The following LAPTM4A variants were observed in gnomAD, a reference collection of about 807,000 sequenced individuals.
LAPTM4A encodes the protein lysosomal protein transmembrane 4 alpha, also known as lysosomal-associated transmembrane protein 4A.
A neutral mutation model predicts 29.9 loss-of-function variants in LAPTM4A; 19 were observed. The ratio of observed to expected loss-of-function variants is 0.64; its 90% confidence interval spans 0.44 to 0.93. LAPTM4A has a LOEUF of 0.93. Ranked by LOEUF, LAPTM4A falls within the 40% of genes least tolerant of loss-of-function variation. LAPTM4A has a pLI of 0.00. For synonymous variants in LAPTM4A, 105 were observed against 102.1 expected, an observed-to-expected ratio of 1.03 and a Z score of -0.17; for missense variants, 293 against 288.5, an observed-to-expected ratio of 1.02 and a Z score of -0.11.
chr2:20,034,208 T>C, intron 6 of LAPTM4A, 109 bp downstream of exon 6: 1 of 799,168 alleles, frequency 1.3e-6, no homozygotes, highest in East Asian at 2.4e-5. Context: ...CCAGGGTTCA[T>C]GCCCAAACCA....
In LAPTM4A at chr2:20,032,757, A is replaced by G. The variant is rs1673590020; in HGVS notation, c.*448T>C. 1 of 157,154 alleles carries G rather than the reference A, an allele frequency of 6.4e-6. No homozygotes were observed. The highest frequency in any genetic ancestry group is 1.4e-5 in the Non-Finnish European group (1 of 70,880). The allele number at this position is 157,154 out of a possible 1,614,324, so 9.7% of individuals were successfully genotyped here. ...CCACAGTCAAGTCACAATGTCAAAT[A>G]TTTTTCTTGCCTCTGCAGATGAAAA... On this transcript the variant is annotated 3_prime_UTR_variant, in exon 7 of 7. Coordinates refer to ENST00000175091, the MANE Select transcript of LAPTM4A (RefSeq NM_014713.5).
intron 1 of LAPTM4A, among the ~76,000 whole-genome samples, chr2:20,043,076 AC>A: frequency 7.9e-6 from 1 of 126,648 alleles, no homozygotes; most frequent in East Asian, 2.3e-4. Flanking sequence ...GGTAGCTGGG[AC>A]TTTTTTTTTT....
chr2:20,042,366 T>C (rs1558385769), intron 1 of LAPTM4A, among the ~76,000 whole-genome samples: 1 of 152,210 alleles, frequency 6.6e-6, no homozygotes, highest in African/African-American at 2.4e-5. Flanking sequence ...ACCTGTACAG[T>C]TGGATTCAGA....
In LAPTM4A at chr2:20,051,626, T is replaced by G; in HGVS notation, c.-106A>C. 1 of 700,126 alleles carries G rather than the reference T, an allele frequency of 1.4e-6. No individual in the cohort carries two copies. Among genetic ancestry groups the G allele is most frequent in the Non-Finnish European group, 2.5e-6 (1 of 408,060 alleles). 43.4% of individuals were successfully genotyped at this position (700,126 alleles called of 1,614,324 possible). A position where few individuals can be genotyped will look rare whatever the true frequency, so the allele number is the denominator to read the frequency against. ...GGCCTCCAAAACCCAACGACGCGTC[T>G]TCAAACCCGCCCCCGGCTCGTGCCC... On this transcript the variant is annotated 5_prime_UTR_variant, in exon 1 of 7. Transcript: ENST00000175091.
Position 20,051,529 on chromosome 2 carries a change from G to T in LAPTM4A, c.-9C>A. The T allele has an allele frequency of 6.4e-7, 1 of 1,565,930 alleles. No homozygotes were observed. The highest frequency in any genetic ancestry group is 8.7e-7 in the Non-Finnish European group (1 of 1,146,906). The stretch of plus-strand genomic sequence containing the variant: ...AAACTCATGGACACCATCGTAACAG[G>T]CGGGCCTCCTTCTTGGCCGGGCCCC... On this transcript the variant is annotated 5_prime_UTR_variant, in exon 1 of 7. Transcript: ENST00000175091.
chr2:20,041,054 C>T (rs747031255), intron 1 of LAPTM4A, 43 bp from the exon 2 acceptor site: 30 of 1,603,080 alleles, frequency 1.9e-5, no homozygotes, highest in Admixed American at 5.0e-5. Context: ...ATTACCATCA[C>T]GACGCAATCT....
At position 20,050,834 on chromosome 2, in the gene LAPTM4A, A is replaced by G. The variant is rs140225760; in HGVS notation, c.111+576T>C. ...AGCTGGTCAGGCGTCAACTCAGGCA[A>G]AAGCTATCGCCCCCAAGCGATTCTG... is the stretch of plus-strand genomic sequence containing the variant. On this transcript the variant is annotated intron_variant, in intron 1 of 6. Coordinates refer to ENST00000175091, the MANE Select transcript of LAPTM4A (RefSeq NM_014713.5). 5.1e-4 allele frequency among the ~76,000 whole-genome samples: 78 copies of G among 152,352 alleles called. 1 individual carries two copies. Among genetic ancestry groups the G allele is most frequent in the African/African-American group, 1.7e-3 (69 of 41,578 alleles).
rs573732854 is a variant in LAPTM4A, at chr2:20,048,498, T to C, written c.111+2912A>G. On this transcript the variant is annotated intron_variant, in intron 1 of 6. Transcript: ENST00000175091. ...ACTATTTTGTACCATACAATGAATATTTTAGTATATGGTGTTACGATACTT... is the reference window on the plus strand; with the variant it reads ...ACTATTTTGTACCATACAATGAATACTTTAGTATATGGTGTTACGATACTT... Among the ~76,000 whole-genome samples the C allele has an allele frequency of 3.3e-5, 5 of 152,288 alleles. No individual in the cohort carries two copies. In the East Asian group the frequency reaches 7.7e-4, roughly 23 times the overall value.
At position 20,037,698 on chromosome 2, in the gene LAPTM4A, T is replaced by C. The variant is rs892097482; in HGVS notation, c.233-84A>G. On this transcript the variant is annotated intron_variant, in intron 2 of 6. Transcript: ENST00000175091. ...TTCACTTAAAGCTAGCTTTAAAATATTAAATTTAAATATTTTCAAAATTGG... is the reference window on the plus strand; with the variant it reads ...TTCACTTAAAGCTAGCTTTAAAATACTAAATTTAAATATTTTCAAAATTGG... The C allele has an allele frequency of 6.1e-6, 5 of 813,072 alleles. No homozygotes were observed. In the African/African-American group the frequency reaches 8.8e-5, roughly 14 times the overall value. The allele number at this position is 813,072 out of a possible 1,614,324, so 50.4% of individuals were successfully genotyped here.
rs1051024530 is a variant in LAPTM4A, at chr2:20,033,396, C to A, written c.628-117G>T. On this transcript the variant is annotated intron_variant, in intron 6 of 6. Coordinates refer to ENST00000175091, the MANE Select transcript of LAPTM4A (RefSeq NM_014713.5). ...GGTTATACAAAACCATAAAGAAGAG[C>A]TGAAGAAACTGTTAGCTAAAATGTT... is the stretch of plus-strand genomic sequence containing the variant. 3.6e-5 allele frequency: 27 copies of A among 753,866 alleles called. No individual in the cohort carries two copies. In the Admixed American group the frequency reaches 5.9e-4, roughly 17 times the overall value. 46.7% of individuals were successfully genotyped at this position (753,866 alleles called of 1,614,324 possible).
chr2:20,046,179 A>T (rs981008935), intron 1 of LAPTM4A, among the ~76,000 whole-genome samples: 8 of 152,090 alleles, frequency 5.3e-5, no homozygotes, highest in Non-Finnish European at 1.2e-4. Context: ...AACATCACAC[A>T]CCTACACCAG....
chr2:20,042,804 A>G (rs1355763371), intron 1 of LAPTM4A, among the ~76,000 whole-genome samples: 2 of 152,246 alleles, frequency 1.3e-5, no homozygotes, highest in African/African-American at 4.8e-5. Flanking sequence ...TAACGACTCA[A>G]GACAGAAATC....
intron 4 of LAPTM4A, among the ~76,000 whole-genome samples, chr2:20,035,643 CTG>C (rs1036704949): frequency 2.6e-5 from 4 of 152,252 alleles, no homozygotes; most frequent in African/African-American, 9.6e-5. Flanking sequence ...TCAGCCCTGA[CTG>C]TGTACAAGGC....
At chr2:20,035,967 AC>A (rs1226450677) in intron 4 of LAPTM4A, among the ~76,000 whole-genome samples, 2 of 152,204 alleles carry the variant, frequency 1.3e-5, no homozygotes, top group Non-Finnish European at 2.9e-5. Context: ...TTAAGAACAC[AC>A]TACTCCCCAA....
Position 20,037,569 on chromosome 2 carries a change from A to G in LAPTM4A, c.278T>C (p.Ile93Thr). ...TGCTCCATAAACCAGCATTGAACTG[A>G]TTATAAACATAAGAACAGAGACGGC... ...LFAVSVLMFIISSMLVYGAIS... is the reference protein window; with the variant it reads ...LFAVSVLMFITSSMLVYGAIS... The change falls in exon 3 of 7, where the codon ATC becomes ACC. Residue 93 changes from isoleucine (I) to threonine (T), a missense_variant. Transcript: ENST00000175091. The G allele has an allele frequency of 6.2e-7, 1 of 1,610,322 alleles. No homozygotes were observed. The highest frequency in any genetic ancestry group is 1.3e-5 in the African/African-American group (1 of 74,822).
chr2:20,049,458 G>C (rs1241682326), intron 1 of LAPTM4A, among the ~76,000 whole-genome samples: 1 of 152,154 alleles, frequency 6.6e-6, no homozygotes, highest in Non-Finnish European at 1.5e-5. Context: ...GCTTAAAGTA[G>C]GGAACAGATG....
At chr2:20,039,574 G>A (rs1383593475) in intron 2 of LAPTM4A, among the ~76,000 whole-genome samples, 1 of 151,620 alleles carries the variant, frequency 6.6e-6, no homozygotes, top group East Asian at 2.0e-4. Flanking sequence ...GTAAAGACAG[G>A]GAGACCCGAT....
At position 20,033,052 on chromosome 2, in the gene LAPTM4A, G is replaced by T; in HGVS notation, c.*153C>A. On this transcript the variant is annotated 3_prime_UTR_variant, in exon 7 of 7. Coordinates refer to ENST00000175091, the MANE Select transcript of LAPTM4A (RefSeq NM_014713.5). Reference sequence around the variant, plus strand: ...AAAAACAAAAAGACGTTTAACAGATGTCAAAAAGCTCCTTAGTGTTTGAAA... The same window carrying T: ...AAAAACAAAAAGACGTTTAACAGATTTCAAAAAGCTCCTTAGTGTTTGAAA... The T allele has an allele frequency of 1.5e-6, 1 of 650,454 alleles. No homozygotes were observed. Among genetic ancestry groups the T allele is most frequent in the Non-Finnish European group, 2.7e-6 (1 of 365,514 alleles). 40.3% of individuals were successfully genotyped at this position (650,454 alleles called of 1,614,324 possible).
intron 1 of LAPTM4A, among the ~76,000 whole-genome samples, chr2:20,042,293 TCA>T (rs1401965036): frequency 6.6e-6 from 1 of 152,184 alleles, no homozygotes; most frequent in African/African-American, 2.4e-5. Context: ...TTTCTGAATA[TCA>T]CATGAGAGTA....
Sources: allele counts gnomAD v4.1 joint callset (sites outside exome capture counted in the v4.1 genomes callset), GRCh38; gene constraint gnomAD v4.1.1; transcripts MANE v1.5; gene names NCBI Gene and HGNC (gene_info 2026-07-23, HGNC 2026-07-21).